CIT: variants seen among roughly 807,000 people sequenced by gnomAD.
The protein encoded by CIT is citron rho-interacting serine/threonine kinase.
A neutral mutation model predicts 272.7 loss-of-function variants in CIT; 79 were observed. The ratio of observed to expected loss-of-function variants is 0.29; its 90% confidence interval spans 0.24 to 0.35. The LOEUF (loss-of-function observed/expected upper bound fraction) is 0.35. CIT is among the 10% of genes least tolerant of loss of function. CIT has a pLI of 1.00. For missense variants in CIT, 1,909 were observed against 2,618.3 expected, an observed-to-expected ratio of 0.73 and a Z score of 5.91; for synonymous variants, 948 against 995.6, an observed-to-expected ratio of 0.95 and a Z score of 0.90.
chr12:119,701,050 G>A (rs1956532396), intron 43 of CIT: 2 of 268,548 alleles, frequency 7.4e-6, no homozygotes, highest in Non-Finnish European at 1.4e-5. Flanking sequence ...ATTAAAGAAA[G>A]AGAACTCAAG....
chr12:119,817,043 C>T (rs1459376855), intron 9 of CIT, among the ~76,000 whole-genome samples: 4 of 152,204 alleles, frequency 2.6e-5, no homozygotes, highest in Non-Finnish European at 4.4e-5. Context: ...CATCCTGAGT[C>T]TTCTCAACTC....
chr12:119,852,076 AC>A (rs1389104982), intron 4 of CIT, among the ~76,000 whole-genome samples: 12 of 152,128 alleles, frequency 7.9e-5, no homozygotes, highest in Admixed American at 3.3e-4. Flanking sequence ...GGAAGGAGTA[AC>A]CCTACAAGTA....
At chr12:119,805,272 T>C (rs1305814114) in intron 9 of CIT, among the ~76,000 whole-genome samples, 4 of 152,244 alleles carry the variant, frequency 2.6e-5, no homozygotes, top group Non-Finnish European at 4.4e-5. Context: ...CACCACTTAC[T>C]AGTTCTGTGA....
chr12:119,787,287 C>T (rs952744351), intron 10 of CIT, among the ~76,000 whole-genome samples: 7 of 151,978 alleles, frequency 4.6e-5, no homozygotes, highest in African/African-American at 7.2e-5. Flanking sequence ...AAAAATGAGT[C>T]GGGCATAGTG....
Position 119,700,728 on chromosome 12 carries a change from C to A in CIT, c.5623+17G>T. 1 of 1,603,572 alleles carries A rather than the reference C, an allele frequency of 6.2e-7. No individual in the cohort carries two copies. The highest frequency in any genetic ancestry group is 8.5e-7 in the Non-Finnish European group (1 of 1,170,744). Reference sequence around the variant, plus strand: ...GCTGCTGGCAAAAGAGAAGCCCCCACACTGAGCCTCACGTACCAAAGGCCA... The same window carrying A: ...GCTGCTGGCAAAAGAGAAGCCCCCAAACTGAGCCTCACGTACCAAAGGCCA... On this transcript the variant is annotated intron_variant, in intron 44 of 47. Coordinates refer to ENST00000392521, the MANE Select transcript of CIT (RefSeq NM_001206999.2).
At position 119,714,280 on chromosome 12, in the gene CIT, T is replaced by A; in HGVS notation, c.4223A>T (p.Asn1408Ile). Reference protein sequence around the residue: ...RMHHNIPHRFNVGLNMRATKC... With the variant: ...RMHHNIPHRFIVGLNMRATKC... ...TGTGGCTCGCATGTTCAGTCCTACGTTGAATCGGTGAGGAATATTGTGGTG... is the reference window on the plus strand; with the variant it reads ...TGTGGCTCGCATGTTCAGTCCTACGATGAATCGGTGAGGAATATTGTGGTG... Residue 1408 changes from asparagine to isoleucine, a missense_variant, in exon 33 of 48, where the codon AAC becomes ATC. Around this residue, in one of 8 missense-constraint regions of CIT, gnomAD observed 780 missense variants for 1,067.2 expected, o/e 0.73. Coordinates refer to ENST00000392521, the MANE Select transcript of CIT (RefSeq NM_001206999.2). 6.2e-7 allele frequency: 1 copy of A among 1,614,092 alleles called. No individual in the cohort carries two copies. The highest frequency in any genetic ancestry group is 1.1e-5 in the South Asian group (1 of 91,074).
chr12:119,790,842 A>G (rs1370756846), intron 10 of CIT, among the ~76,000 whole-genome samples: 1 of 152,016 alleles, frequency 6.6e-6, no homozygotes, highest in African/African-American at 2.4e-5. Context: ...AACTTGAGAA[A>G]CTCTGCTGCA....
chr12:119,734,020 T>C, intron 26 of CIT, 144 bp downstream of exon 26: 1 of 813,102 alleles, frequency 1.2e-6, no homozygotes, highest in Non-Finnish European at 1.9e-6. Flanking sequence ...TGCCCAAGAG[T>C]CTCCTGGTTT....
intron 13 of CIT, among the ~76,000 whole-genome samples, chr12:119,779,458 C>T (rs1159935077): frequency 6.6e-6 from 1 of 152,030 alleles, no homozygotes; most frequent in Non-Finnish European, 1.5e-5. Context: ...TTGACCTAAG[C>T]CCAACTTTTT....
intron 30 of CIT, chr12:119,719,135 G>A (rs1007851995): frequency 2.5e-6 from 1 of 407,958 alleles, no homozygotes; most frequent in South Asian, 2.5e-5. Context: ...TGCCAAGACA[G>A]GAGAGTCATG....
intron 3 of CIT, among the ~76,000 whole-genome samples, chr12:119,866,404 C>T (rs780930476): frequency 1.3e-5 from 2 of 152,108 alleles, no homozygotes; most frequent in African/African-American, 2.4e-5. Context: ...CCTGAGCTAC[C>T]GTCGAGGCTG....
chr12:119,757,639 T>C (rs1224236826), intron 21 of CIT, 94 bp from the exon 22 acceptor site: 4 of 1,482,986 alleles, frequency 2.7e-6, no homozygotes, highest in African/African-American at 2.8e-5. Context: ...GAGTTAGACA[T>C]GTCTCCTCAC....
intron 2 of CIT, among the ~76,000 whole-genome samples, chr12:119,869,757 A>G (rs1434392366): frequency 6.6e-6 from 1 of 152,214 alleles, no homozygotes. Context: ...AGTGTTTAAG[A>G]TAATTTGAAT....
chr12:119,809,540 A>G (rs1966782195), intron 9 of CIT, among the ~76,000 whole-genome samples: 1 of 152,208 alleles, frequency 6.6e-6, no homozygotes, highest in South Asian at 2.1e-4. Context: ...TTTAGGCTTT[A>G]GAAGCAGGCC....
chr12:119,694,782 G>A lies in CIT; in HGVS notation c.5882+2877C>T, dbSNP rs187253889. 2.5e-3 allele frequency among the ~76,000 whole-genome samples: 382 copies of A among 152,150 alleles called. 4 individuals are homozygous for A. Among genetic ancestry groups the A allele is most frequent in the African/African-American group, 8.6e-3 (357 of 41,506 alleles). ...AGATCACGCCACTGTGCTCCAGCCT[G>A]GGCACAGAGTGAGACCCTACCTCGA... On this transcript the variant is annotated intron_variant, in intron 46 of 47. Transcript: ENST00000392521. This position sits in a 1 kb window ranked among gnomAD's most constrained non-coding sequence, Gnocchi z 4.5.
chr12:119,718,619 T>C lies in CIT; in HGVS notation c.4003+80A>G. On this transcript the variant is annotated intron_variant, in intron 31 of 47. Coordinates refer to ENST00000392521, the MANE Select transcript of CIT (RefSeq NM_001206999.2). The surrounding 1 kb of genome is among the most constrained non-coding windows in gnomAD (Gnocchi z 4.8). ...GCCATAAACGAAGACACTGAGCTAG[T>C]TAGTCTTGGCTGATCTCACTGAGAT... 5 of 1,567,938 alleles carry C rather than the reference T, an allele frequency of 3.2e-6. No homozygotes were observed. In the South Asian group the frequency reaches 5.7e-5, roughly 18 times the overall value.
At chr12:119,808,436 T>C (rs1966729314) in intron 9 of CIT, among the ~76,000 whole-genome samples, 1 of 152,122 alleles carries the variant, frequency 6.6e-6, no homozygotes, top group Non-Finnish European at 1.5e-5. Context: ...TTAGACCTAA[T>C]GTGCCATTCC....
At chr12:119,688,405 G>T in intron 47 of CIT, 150 bp from the exon 48 acceptor site, 1 of 739,386 alleles carries the variant, frequency 1.4e-6, no homozygotes, top group Non-Finnish European at 2.3e-6. Flanking sequence ...CCGCTCCAGA[G>T]CCTGGGGAAG....
intron 13 of CIT, among the ~76,000 whole-genome samples, chr12:119,781,202 C>G (rs1402908839): frequency 3.3e-5 from 5 of 152,256 alleles, no homozygotes; most frequent in African/African-American, 1.2e-4. Flanking sequence ...TTCAAAACCT[C>G]TAAGACTGCA....
Sources: allele counts gnomAD v4.1 joint callset (sites outside exome capture counted in the v4.1 genomes callset), GRCh38; gene constraint gnomAD v4.1.1; regional missense constraint gnomAD v4.1.1; non-coding constraint Gnocchi (gnomAD v3.1); transcripts MANE v1.5; gene names NCBI Gene and HGNC (gene_info 2026-07-23, HGNC 2026-07-21).